Variants in PDLIM5 observed in about 807,000 individuals in gnomAD.
PDLIM5 encodes PDZ and LIM domain 5.
In PDLIM5, 34 loss-of-function variants were observed where a neutral mutation model predicts 64.2. That is an observed-to-expected ratio of 0.53 (90% confidence interval 0.40 to 0.71). The LOEUF is 0.71. PDLIM5 is among the 30% of genes least tolerant of loss of function. The pLI is 0.00. For synonymous variants in PDLIM5, 253 were observed against 269.1 expected (o/e 0.94, Z 0.59); for missense variants, 683 against 733.6 (o/e 0.93, Z 0.80).
intron 7 of PDLIM5, 48 bp downstream of exon 7, chr4:94,586,492 G>A (rs41275683): frequency 0.028 from 31,584 of 1,126,266 alleles, 642 homozygotes; most frequent in South Asian, 0.065. Flanking sequence ...TTTCACGAAT[G>A]GTCTCAATTT....
chr4:94,656,645 A>AT (rs985241938), intron 10 of PDLIM5, among the ~76,000 whole-genome samples: 1 of 149,840 alleles, frequency 6.7e-6, no homozygotes, highest in Non-Finnish European at 1.5e-5. Context: ...TTATTTATTT[A>AT]TTTTTTTGAG....
intron 2 of PDLIM5, among the ~76,000 whole-genome samples, chr4:94,486,105 A>G (rs540106767): frequency 6.6e-6 from 1 of 152,212 alleles, no homozygotes; most frequent in South Asian, 2.1e-4. Flanking sequence ...TAAAATTCTT[A>G]TGTTCCAACC....
At chr4:94,573,694 T>A (rs773966149) in intron 4 of PDLIM5, 17 of 338,020 alleles carry the variant, frequency 5.0e-5, no homozygotes, top group Non-Finnish European at 8.7e-5. Context: ...TTATATTTTC[T>A]AAAGAGAATA....
chr4:94,538,052 A>C (rs560427385), intron 3 of PDLIM5, among the ~76,000 whole-genome samples: 3 of 152,292 alleles, frequency 2.0e-5, no homozygotes, highest in East Asian at 3.9e-4. Flanking sequence ...TGCCGTGGAA[A>C]CTTCTAGCAA....
intron 2 of PDLIM5, among the ~76,000 whole-genome samples, chr4:94,463,526 A>G (rs193057812): frequency 2.0e-5 from 3 of 152,264 alleles, no homozygotes; most frequent in Admixed American, 1.3e-4. Flanking sequence ...CATTCTTGTC[A>G]TCTTCACTTT....
chr4:94,565,589 T>C (rs1385314146), intron 3 of PDLIM5, among the ~76,000 whole-genome samples: 1 of 152,230 alleles, frequency 6.6e-6, no homozygotes, highest in Non-Finnish European at 1.5e-5. Context: ...TGACTACTAA[T>C]GTCAGAAGCT....
intron 2 of PDLIM5, among the ~76,000 whole-genome samples, chr4:94,459,646 A>G (rs114262531): frequency 0.019 from 2,845 of 152,354 alleles, 79 homozygotes; most frequent in African/African-American, 0.064. Context: ...GCACAGTGCT[A>G]TAGAACTAGA....
chr4:94,540,518 G>A (rs1349231615), intron 3 of PDLIM5, among the ~76,000 whole-genome samples: 1 of 152,188 alleles, frequency 6.6e-6, no homozygotes, highest in East Asian at 1.9e-4. Flanking sequence ...TTCTGGCTGT[G>A]TAATATGTGT....
chr4:94,459,459 TTAC>T, intron 2 of PDLIM5, among the ~76,000 whole-genome samples: 1 of 152,324 alleles, frequency 6.6e-6, no homozygotes, highest in South Asian at 2.1e-4. Flanking sequence ...CAGAAGAAAC[TTAC>T]TATTGCTTGG....
At chr4:94,584,927 T>A (rs1482699806) in intron 5 of PDLIM5, 2 of 1,129,484 alleles carry the variant, frequency 1.8e-6, no homozygotes, top group Admixed American at 4.2e-5. Flanking sequence ...ATCATTTTCC[T>A]TTCCTTTTTC....
chr4:94,504,456 T>C (rs1728211061), intron 2 of PDLIM5, among the ~76,000 whole-genome samples: 1 of 151,990 alleles, frequency 6.6e-6, no homozygotes, highest in African/African-American at 2.4e-5. Context: ...CTGGCTAATT[T>C]TTGTATTTTT....
In PDLIM5 at chr4:94,664,759, A is replaced by C. The variant is rs1231994292; in HGVS notation, c.*692A>C. On this transcript the variant is annotated 3_prime_UTR_variant, in exon 13 of 13. Coordinates refer to ENST00000317968, the MANE Select transcript of PDLIM5 (RefSeq NM_006457.5). ...GTGGCACGCGCCTGTAATCCCAGCT[A>C]CTCAAGAGGCTGAGGCACGAGAATC... is the stretch of plus-strand genomic sequence containing the variant. The C allele has an allele frequency of 5.3e-6, 1 of 188,568 alleles. No homozygotes were observed. Among genetic ancestry groups the C allele is most frequent in the African/African-American group, 2.4e-5 (1 of 42,020 alleles). 11.7% of individuals were successfully genotyped at this position (188,568 alleles called of 1,614,324 possible).
chr4:94,581,616 G>A (rs1735737216), intron 5 of PDLIM5, among the ~76,000 whole-genome samples: 1 of 152,014 alleles, frequency 6.6e-6, no homozygotes, highest in Non-Finnish European at 1.5e-5. Flanking sequence ...TTTGACATGT[G>A]GAAATATAGC....
Position 94,666,242 on chromosome 4 carries a change from A to T in PDLIM5, c.*2175A>T. Reference sequence around the variant, plus strand: ...CAAGGCATCTGTCCTGAAAGCTGTTAATTTATGGTCTAGCAGATTTATATT... The same window carrying T: ...CAAGGCATCTGTCCTGAAAGCTGTTTATTTATGGTCTAGCAGATTTATATT... On this transcript the variant is annotated 3_prime_UTR_variant, in exon 13 of 13. Transcript: ENST00000317968. 1 of 466,500 alleles carries T rather than the reference A, an allele frequency of 2.1e-6. No homozygotes were observed. Among genetic ancestry groups the T allele is most frequent in the East Asian group, 3.3e-5 (1 of 30,084 alleles). 28.9% of individuals were successfully genotyped at this position (466,500 alleles called of 1,614,324 possible).
intron 3 of PDLIM5, among the ~76,000 whole-genome samples, chr4:94,558,679 A>G (rs1414633993): frequency 3.3e-5 from 5 of 151,894 alleles, no homozygotes; most frequent in African/African-American, 9.7e-5. Flanking sequence ...AAGGATTATA[A>G]TACTAACATT....
intron 3 of PDLIM5, among the ~76,000 whole-genome samples, chr4:94,527,507 A>T (rs768138244): frequency 1.3e-5 from 2 of 152,210 alleles, no homozygotes; most frequent in Admixed American, 6.5e-5. Context: ...GCATGAATAT[A>T]TACTACTATC....
chr4:94,659,182 T>TCTTAACCCATTTCAAACCCATTTCTTAA (rs1742452884), intron 11 of PDLIM5, among the ~76,000 whole-genome samples: 1 of 152,170 alleles, frequency 6.6e-6, no homozygotes, highest in Non-Finnish European at 1.5e-5. Context: ...TAACCCAGTT[T>TCTTAACCCATTTCAAACCCATTTCTTAA]CCTCTATCTC....
chr4:94,456,552 CTA>C, intron 2 of PDLIM5: 1 of 719,166 alleles, frequency 1.4e-6, no homozygotes, highest in South Asian at 1.5e-5. Context: ...AGATCATTCT[CTA>C]TTAATATATA....
At chr4:94,560,878 C>T (rs1428694593) in intron 3 of PDLIM5, among the ~76,000 whole-genome samples, 1 of 152,074 alleles carries the variant, frequency 6.6e-6, no homozygotes, top group African/African-American at 2.4e-5. Flanking sequence ...AGTCGCCCGC[C>T]ACCACGCCCA....
Sources: allele counts gnomAD v4.1 joint callset (sites outside exome capture counted in the v4.1 genomes callset), GRCh38; gene constraint gnomAD v4.1.1; transcripts MANE v1.5; gene names NCBI Gene and HGNC (gene_info 2026-07-23, HGNC 2026-07-21).